The following BCAR3 variants were observed in gnomAD, a reference collection of about 807,000 sequenced individuals.
The protein encoded by BCAR3 is BCAR3 adaptor protein, NSP family member.
In BCAR3, 37 loss-of-function variants were observed where a neutral mutation model predicts 80.1. That is an observed-to-expected ratio of 0.46 (90% CI 0.36 to 0.61). The LOEUF is 0.61. Ranked by LOEUF, BCAR3 falls within the 20% of genes least tolerant of loss-of-function variation. The pLI, the probability that BCAR3 is intolerant of heterozygous loss-of-function variation, is 0.00. For missense variants in BCAR3, 978 were observed against 1,068.2 expected (o/e 0.92, Z 1.18); for synonymous variants, 389 against 418.9 (o/e 0.93, Z 0.87).
chr1:93,660,531 G>C (rs1165828776), intron 2 of BCAR3, among the ~76,000 whole-genome samples: 1 of 152,224 alleles, frequency 6.6e-6, no homozygotes, highest in Non-Finnish European at 1.5e-5. Flanking sequence ...GACACGCCTG[G>C]TGAGTGCAGA....
intron 2 of BCAR3, among the ~76,000 whole-genome samples, chr1:93,772,635 C>T (rs1456877194): frequency 6.6e-6 from 1 of 152,030 alleles, no homozygotes; most frequent in Non-Finnish European, 1.5e-5. Context: ...GATGGAATCT[C>T]ACTCTGTCCC....
chr1:93,576,247 A>G (rs1673453196), intron 7 of BCAR3, 118 bp from the exon 8 acceptor site: 2 of 722,430 alleles, frequency 2.8e-6, no homozygotes, highest in Non-Finnish European at 4.9e-6. Context: ...TATGAGTTAC[A>G]TTTCTTTATA....
chr1:93,617,573 A>G (rs1675167118), intron 3 of BCAR3, among the ~76,000 whole-genome samples: 1 of 152,216 alleles, frequency 6.6e-6, no homozygotes, highest in Non-Finnish European at 1.5e-5. Context: ...AATCGTGATC[A>G]GAACAGCTCA....
intron 1 of BCAR3, among the ~76,000 whole-genome samples, chr1:93,676,552 A>T (rs550761152): frequency 6.6e-6 from 1 of 152,342 alleles, no homozygotes; most frequent in African/African-American, 2.4e-5. Flanking sequence ...GGTGCAGAAC[A>T]ATAGGACAGA....
intron 2 of BCAR3, among the ~76,000 whole-genome samples, chr1:93,717,886 G>C (rs1029141385): frequency 3.3e-5 from 5 of 152,084 alleles, no homozygotes; most frequent in African/African-American, 1.2e-4. Context: ...AGGGGTCTAA[G>C]CTTAATATTA....
At chr1:93,790,790 C>T (rs1364959654) in intron 2 of BCAR3, among the ~76,000 whole-genome samples, 1 of 104,576 alleles carries the variant, frequency 9.6e-6, no homozygotes, top group Non-Finnish European at 1.8e-5. Flanking sequence ...TCTCCCAATG[C>T]TATCCCTCCC....
In BCAR3 at chr1:93,628,752, T is replaced by C. The variant is rs149451135; in HGVS notation, c.357+13552A>G. ...CGTCAGCTAACAGGATTGACTTGAC[T>C]GTCTTTCTTATTGTCTTTCCAGTCC... On this transcript the variant is annotated intron_variant, in intron 3 of 11. Transcript: ENST00000260502. 6.7e-3 allele frequency among the ~76,000 whole-genome samples: 1,026 copies of C among 152,360 alleles called. 15 individuals are homozygous for C. Among genetic ancestry groups the C allele is most frequent in the African/African-American group, 0.024 (985 of 41,584 alleles).
chr1:93,719,581 A>G (rs1402255694), intron 2 of BCAR3, among the ~76,000 whole-genome samples: 1 of 151,976 alleles, frequency 6.6e-6, no homozygotes, highest in East Asian at 1.9e-4. Context: ...TGACCTCGTG[A>G]TCTGCCTGCC....
intron 2 of BCAR3, among the ~76,000 whole-genome samples, chr1:93,666,050 A>G (rs187411233): frequency 2.0e-5 from 3 of 151,852 alleles, no homozygotes; most frequent in Admixed American, 2.0e-4. Context: ...TTTTACAACC[A>G]CCTCCTGCCT....
At chr1:93,588,673 C>G (rs568822887) in intron 5 of BCAR3, among the ~76,000 whole-genome samples, 1 of 151,838 alleles carries the variant, frequency 6.6e-6, no homozygotes, top group Non-Finnish European at 1.5e-5. Context: ...CTGGAACACC[C>G]CCAGCCCTTT....
chr1:93,756,809 C>T (rs1651763645), intron 2 of BCAR3, among the ~76,000 whole-genome samples: 1 of 152,218 alleles, frequency 6.6e-6, no homozygotes, highest in Non-Finnish European at 1.5e-5. Context: ...TTGGCATCAA[C>T]AGCACTCAGA....
intron 2 of BCAR3, among the ~76,000 whole-genome samples, chr1:93,717,870 T>C (rs997532552): frequency 1.3e-5 from 2 of 152,106 alleles, no homozygotes; most frequent in African/African-American, 4.8e-5. Context: ...TGGCCTGCGT[T>C]TTTGGAGGGG....
chr1:93,614,228 C>T (rs1450478018), intron 3 of BCAR3: 3 of 1,091,658 alleles, frequency 2.7e-6, no homozygotes, highest in Non-Finnish European at 3.4e-6. Flanking sequence ...GAAATTCTAA[C>T]CCCTCTTAGA....
At chr1:93,814,911 A>G (rs1160961610) in intron 2 of BCAR3, among the ~76,000 whole-genome samples, 1 of 152,216 alleles carries the variant, frequency 6.6e-6, no homozygotes, top group Non-Finnish European at 1.5e-5. Context: ...CCTAGACTTT[A>G]GGTTTCTGTC....
At chr1:93,632,093 G>A (rs938266616) in intron 3 of BCAR3, among the ~76,000 whole-genome samples, 2 of 152,188 alleles carry the variant, frequency 1.3e-5, no homozygotes, top group African/African-American at 4.8e-5. Flanking sequence ...GAGCTGACAG[G>A]TACACCTCAT....
intron 11 of BCAR3, among the ~76,000 whole-genome samples, chr1:93,566,666 C>T (rs966207291): frequency 7.2e-5 from 11 of 152,152 alleles, no homozygotes; most frequent in Non-Finnish European, 1.3e-4. Flanking sequence ...GATAAAACTC[C>T]ACCTCCTCAT....
chr1:93,763,132 C>T (rs1274580768), intron 2 of BCAR3, among the ~76,000 whole-genome samples: 1 of 152,210 alleles, frequency 6.6e-6, no homozygotes, highest in Non-Finnish European at 1.5e-5. Flanking sequence ...AGCATGAACA[C>T]AGCTCACTGT....
intron 2 of BCAR3, among the ~76,000 whole-genome samples, chr1:93,842,182 G>A (rs78804856): frequency 0.051 from 7,226 of 141,324 alleles, 263 homozygotes; most frequent in Non-Finnish European, 0.068. Flanking sequence ...ATGGAGTCTC[G>A]TTCTGTTGCC....
At chr1:93,712,558 G>C (rs541603490) in intron 2 of BCAR3, among the ~76,000 whole-genome samples, 2 of 152,252 alleles carry the variant, frequency 1.3e-5, no homozygotes, top group Admixed American at 6.5e-5. Flanking sequence ...ACATACTCTT[G>C]ACATTTCTTC....
Sources: gnomAD v4.1 joint callset for allele counts (sites outside exome capture counted in the v4.1 genomes callset) on GRCh38, gnomAD v4.1.1 for gene constraint, MANE v1.5 for transcripts, NCBI Gene and HGNC (gene_info 2026-07-23, HGNC 2026-07-21) for gene names.